Variants in PLA2G4A observed in about 807,000 individuals in gnomAD.
PLA2G4A encodes cytosolic phospholipase A2.
A neutral mutation model predicts 81.9 loss-of-function variants in PLA2G4A; 40 were observed. That is an observed-to-expected ratio of 0.49 (90% CI 0.38 to 0.64). The LOEUF (loss-of-function observed/expected upper bound fraction) is 0.64. Among genes scored for constraint, PLA2G4A ranks in the 30% least tolerant of loss-of-function variants. The probability of loss-of-function intolerance (pLI) is 0.00; values close to 1 mark genes in which losing one functional copy is unlikely to be tolerated. For missense variants in PLA2G4A, 715 were observed against 905.1 expected (o/e 0.79, Z 2.69); for synonymous variants, 302 against 296.9 (o/e 1.02, Z -0.18).
At chr1:186,874,363 A>G (rs1450351770) in intron 3 of PLA2G4A, among the ~76,000 whole-genome samples, 1 of 72,110 alleles carries the variant, frequency 1.4e-5, no homozygotes, top group East Asian at 4.7e-4. Flanking sequence ...ACCTTACTGA[A>G]TTTCTGCTTC....
intron 13 of PLA2G4A, among the ~76,000 whole-genome samples, chr1:186,954,153 G>T (rs887190267): frequency 2.0e-5 from 3 of 152,126 alleles, no homozygotes; most frequent in African/African-American, 7.2e-5. Flanking sequence ...TATGTTTATG[G>T]TGGCGCTATT....
intron 2 of PLA2G4A, among the ~76,000 whole-genome samples, chr1:186,868,861 G>T (rs1293409545): frequency 6.6e-6 from 1 of 150,838 alleles, no homozygotes; most frequent in Non-Finnish European, 1.5e-5. Flanking sequence ...ATGTCCACGC[G>T]ATCTGTAATA....
chr1:186,967,726 A>G (rs971176757), intron 15 of PLA2G4A, among the ~76,000 whole-genome samples: 1 of 152,112 alleles, frequency 6.6e-6, no homozygotes, highest in Non-Finnish European at 1.5e-5. Flanking sequence ...CAGCACAGAG[A>G]TGGCAATGAG....
chr1:186,966,584 A>G (rs77725840), intron 15 of PLA2G4A, among the ~76,000 whole-genome samples: 289 of 152,266 alleles, frequency 1.9e-3, no homozygotes, highest in African/African-American at 6.8e-3. Context: ...GGGGTAAATA[A>G]AAGTCCGCCT....
At chr1:186,921,781 G>A (rs1655362585) in intron 7 of PLA2G4A, among the ~76,000 whole-genome samples, 1 of 152,104 alleles carries the variant, frequency 6.6e-6, no homozygotes, top group African/African-American at 2.4e-5. Context: ...TCGGTGGGTG[G>A]AGGGAGAACC....
At chr1:186,911,110 G>A (rs1430781879) in intron 6 of PLA2G4A, 138 bp from the exon 7 acceptor site, 6 of 753,418 alleles carry the variant, frequency 8.0e-6, no homozygotes, top group Non-Finnish European at 1.5e-5. Flanking sequence ...CTTATTTTAG[G>A]TCCCTTCTTA....
At chr1:186,840,905 A>G (rs896970645) in intron 1 of PLA2G4A, among the ~76,000 whole-genome samples, 2 of 152,224 alleles carry the variant, frequency 1.3e-5, no homozygotes, top group South Asian at 4.1e-4. Flanking sequence ...CTTGGGGAGC[A>G]TATTTGCAAA....
chr1:186,910,144 A>G (rs898966138), intron 6 of PLA2G4A, among the ~76,000 whole-genome samples: 2 of 152,106 alleles, frequency 1.3e-5, no homozygotes, highest in Admixed American at 1.3e-4. Flanking sequence ...GGAAGTAGTA[A>G]TTAAACTATT....
At chr1:186,939,561 T>C (rs915799415) in intron 9 of PLA2G4A, among the ~76,000 whole-genome samples, 3 of 151,632 alleles carry the variant, frequency 2.0e-5, no homozygotes, top group African/African-American at 7.3e-5. Context: ...AATGGTAACA[T>C]TTTTAGATGA....
At chr1:186,950,841 T>A in intron 13 of PLA2G4A, 113 bp downstream of exon 13, 1 of 715,130 alleles carries the variant, frequency 1.4e-6, no homozygotes, top group Admixed American at 2.0e-5. Context: ...GACACGGAAG[T>A]GATAAAATTG....
At chr1:186,845,319 T>C (rs1652133110) in intron 1 of PLA2G4A, among the ~76,000 whole-genome samples, 1 of 152,192 alleles carries the variant, frequency 6.6e-6, no homozygotes, top group African/African-American at 2.4e-5. Flanking sequence ...ACAATGATAA[T>C]AATAATGATT....
intron 5 of PLA2G4A, among the ~76,000 whole-genome samples, chr1:186,902,351 A>G (rs934824452): frequency 6.6e-6 from 1 of 152,216 alleles, no homozygotes; most frequent in South Asian, 2.1e-4. Flanking sequence ...CAATCATTCT[A>G]TACGACAAAT....
At chr1:186,945,378 A>G (rs1411478669) in intron 10 of PLA2G4A, among the ~76,000 whole-genome samples, 1 of 152,012 alleles carries the variant, frequency 6.6e-6, no homozygotes, top group Non-Finnish European at 1.5e-5. Context: ...CCCTGTTTTT[A>G]TTTTCAGTGT....
chr1:186,831,575 T>C (rs1651591842), intron 1 of PLA2G4A, among the ~76,000 whole-genome samples: 1 of 152,188 alleles, frequency 6.6e-6, no homozygotes, highest in South Asian at 2.1e-4. Flanking sequence ...TTTACTACTT[T>C]TATTCCAAAA....
intron 4 of PLA2G4A, 81 bp from the exon 5 acceptor site, chr1:186,894,017 T>A (rs886935648): frequency 1.5e-5 from 11 of 746,090 alleles, no homozygotes; most frequent in African/African-American, 5.2e-5. Context: ...TTCATTTTTT[T>A]AAATGTGGTG....
At chr1:186,965,876 G>A (rs929486741) in intron 15 of PLA2G4A, among the ~76,000 whole-genome samples, 1 of 152,094 alleles carries the variant, frequency 6.6e-6, no homozygotes, top group African/African-American at 2.4e-5. Context: ...TTGGGAGTTA[G>A]CAAGTAAATG....
chr1:186,861,719 A>G (rs1652810204), intron 2 of PLA2G4A, among the ~76,000 whole-genome samples: 1 of 152,102 alleles, frequency 6.6e-6, no homozygotes, highest in African/African-American at 2.4e-5. Flanking sequence ...CCCTATGTGA[A>G]ATTCTAATGT....
chr1:186,963,339 A>T (rs1657024779), intron 14 of PLA2G4A, among the ~76,000 whole-genome samples: 1 of 152,238 alleles, frequency 6.6e-6, no homozygotes, highest in South Asian at 2.1e-4. Flanking sequence ...ACATCGTTAC[A>T]TTCCAGGTTC....
intron 12 of PLA2G4A, 47 bp downstream of exon 12, chr1:186,947,008 T>A (rs891663061): frequency 2.0e-6 from 2 of 991,244 alleles, no homozygotes; most frequent in Admixed American, 1.7e-5. Flanking sequence ...GCTACATTGA[T>A]AAAGTTTATT....
Sources: gnomAD v4.1 joint callset for allele counts (sites outside exome capture counted in the v4.1 genomes callset) on GRCh38, gnomAD v4.1.1 for gene constraint, MANE v1.5 for transcripts, NCBI Gene and HGNC (gene_info 2026-07-23, HGNC 2026-07-21) for gene names.